The following ROBO2 variants were observed in gnomAD, a reference collection of about 807,000 sequenced individuals.
ROBO2 encodes roundabout homolog 2.
In ROBO2, 53 loss-of-function variants were observed where a neutral mutation model predicts 160.8. The ratio of observed to expected loss-of-function variants is 0.33; its 90% CI spans 0.26 to 0.41. The LOEUF is 0.41. Ranked by LOEUF, ROBO2 falls within the 10% of genes least tolerant of loss-of-function variation. The pLI is 1.00. For missense variants in ROBO2, 1,577 were observed against 1,722.4 expected, an observed-to-expected ratio of 0.92 and a Z score of 1.49; for synonymous variants, 664 against 611.7, an observed-to-expected ratio of 1.09 and a Z score of -1.26.
intron 2 of ROBO2, among the ~76,000 whole-genome samples, chr3:77,027,552 G>T (rs767662954): frequency 2.6e-5 from 4 of 152,164 alleles, no homozygotes; most frequent in Non-Finnish European, 5.9e-5. Flanking sequence ...CAATTGCTAG[G>T]TTGCTTTATT....
At chr3:76,301,958 T>C (rs1709381259) in intron 2 of ROBO2, among the ~76,000 whole-genome samples, 5 of 152,104 alleles carry the variant, frequency 3.3e-5, no homozygotes, top group South Asian at 2.1e-4. Flanking sequence ...GATGCTTTTC[T>C]TGTAAATGGA....
intron 24 of ROBO2, among the ~76,000 whole-genome samples, chr3:77,642,371 T>G (rs1438937280): frequency 6.6e-6 from 1 of 152,144 alleles, no homozygotes; most frequent in Admixed American, 6.5e-5. Flanking sequence ...ATGGATGGAA[T>G]ATAAACAATG....
chr3:76,909,646 G>T (rs1004678549), intron 2 of ROBO2, among the ~76,000 whole-genome samples: 1 of 152,126 alleles, frequency 6.6e-6, no homozygotes, highest in African/African-American at 2.4e-5. Context: ...TTCTTAGTGC[G>T]TTGTTTTTTA....
intron 2 of ROBO2, among the ~76,000 whole-genome samples, chr3:77,343,303 A>G (rs1267811420): frequency 1.3e-5 from 2 of 152,154 alleles, no homozygotes; most frequent in Non-Finnish European, 2.9e-5. Context: ...CTCTTCATGA[A>G]AATTTAAGAG....
At chr3:76,265,478 C>T (rs969739829) in intron 2 of ROBO2, among the ~76,000 whole-genome samples, 3 of 152,136 alleles carry the variant, frequency 2.0e-5, no homozygotes, top group African/African-American at 7.2e-5. Flanking sequence ...CTTCTCTTGT[C>T]ACCACTACAT....
intron 16 of ROBO2, among the ~76,000 whole-genome samples, chr3:77,588,220 A>G (rs2094101234): frequency 1.3e-5 from 2 of 152,028 alleles, no homozygotes; most frequent in Admixed American, 1.3e-4. Context: ...TTTGTATAGT[A>G]GTTTTAATAC....
chr3:76,252,599 A>T (rs1706078401), intron 2 of ROBO2, among the ~76,000 whole-genome samples: 1 of 151,974 alleles, frequency 6.6e-6, no homozygotes, highest in Non-Finnish European at 1.5e-5. Flanking sequence ...CATTACAAAG[A>T]TGATGTTTTA....
rs76716839 is a variant in ROBO2 at position 76,654,342 on chromosome 3, C to G, written c.110-443672C>G. Among the ~76,000 whole-genome samples, 1,363 of 152,224 alleles carry G rather than the reference C, an allele frequency of 9.0e-3. 18 individuals are homozygous for G. The highest frequency in any genetic ancestry group is 0.031 in the African/African-American group (1,289 of 41,528). The stretch of plus-strand genomic sequence containing the variant: ...TAAAAGAAGTGTTGGCAGTTAATTA[C>G]AGAGGTACTTTATAAATGATGAAAA... On this transcript the variant is annotated intron_variant, in intron 2 of 26. Transcript: ENST00000487694.
intron 2 of ROBO2, among the ~76,000 whole-genome samples, chr3:76,271,647 T>C (rs1225942233): frequency 2.0e-5 from 3 of 151,874 alleles, no homozygotes; most frequent in African/African-American, 7.3e-5. Context: ...TAAGAATATG[T>C]ATTCATGAAT....
intron 2 of ROBO2, among the ~76,000 whole-genome samples, chr3:76,472,427 A>G (rs959801743): frequency 1.3e-5 from 2 of 151,948 alleles, no homozygotes; most frequent in Admixed American, 1.3e-4. Flanking sequence ...TGTAAAAGAA[A>G]TTTGTTACGC....
At chr3:76,676,814 A>G (rs773681768) in intron 2 of ROBO2, among the ~76,000 whole-genome samples, 6 of 152,054 alleles carry the variant, frequency 3.9e-5, no homozygotes, top group Non-Finnish European at 8.8e-5. Flanking sequence ...CCCTCAGGTA[A>G]CATCTGTTCC....
chr3:76,964,124 A>G (rs1263672121), intron 2 of ROBO2, among the ~76,000 whole-genome samples: 2 of 152,180 alleles, frequency 1.3e-5, no homozygotes, highest in Admixed American at 6.5e-5. Flanking sequence ...ACAGTGAAGT[A>G]TGACATTTTG....
intron 2 of ROBO2, among the ~76,000 whole-genome samples, chr3:77,184,793 T>A (rs2081130062): frequency 6.6e-6 from 1 of 152,152 alleles, no homozygotes; most frequent in East Asian, 1.9e-4. Context: ...GGGTTTCACA[T>A]GAAAATGTGC....
At chr3:76,051,925 T>C (rs2067666541) in intron 2 of ROBO2, among the ~76,000 whole-genome samples, 1 of 152,006 alleles carries the variant, frequency 6.6e-6, no homozygotes, top group African/African-American at 2.4e-5. Context: ...ATCTCCATAA[T>C]TGAATGATCT....
intron 2 of ROBO2, among the ~76,000 whole-genome samples, chr3:77,131,503 A>AAACC (rs751932354): frequency 6.6e-6 from 1 of 152,204 alleles, no homozygotes; most frequent in Non-Finnish European, 1.5e-5. Flanking sequence ...AAGCAAAAAC[A>AAACC]AACCAACCAA....
chr3:77,363,762 A>T (rs912424891), intron 2 of ROBO2, among the ~76,000 whole-genome samples: 5 of 152,150 alleles, frequency 3.3e-5, no homozygotes, highest in Non-Finnish European at 7.4e-5. Context: ...GGAAGAAGGG[A>T]GAAGGGAGAG....
intron 2 of ROBO2, among the ~76,000 whole-genome samples, chr3:77,184,397 G>A (rs1224055324): frequency 6.6e-6 from 1 of 151,974 alleles, no homozygotes; most frequent in Non-Finnish European, 1.5e-5. Flanking sequence ...TTTACATTAT[G>A]ATAAAGGGAA....
chr3:77,151,361 T>C (rs762273052), intron 2 of ROBO2, among the ~76,000 whole-genome samples: 4 of 152,160 alleles, frequency 2.6e-5, no homozygotes, highest in African/African-American at 4.8e-5. Flanking sequence ...ATCTGGGTCT[T>C]CAGTGATAAA....
intron 2 of ROBO2, among the ~76,000 whole-genome samples, chr3:77,102,930 G>C (rs1211065809): frequency 6.6e-6 from 1 of 150,774 alleles, no homozygotes; most frequent in Non-Finnish European, 1.5e-5. Flanking sequence ...GGCAAAAAAT[G>C]TTTTTTAAAT....
Sources: gnomAD v4.1 joint callset for allele counts (sites outside exome capture counted in the v4.1 genomes callset) on GRCh38, gnomAD v4.1.1 for gene constraint, MANE v1.5 for transcripts, NCBI Gene and HGNC (gene_info 2026-07-23, HGNC 2026-07-21) for gene names.